TCF12: variants seen among roughly 807,000 people sequenced by gnomAD.
TCF12 encodes the protein transcription factor 12.
Under a neutral mutation model 86.0 loss-of-function variants are expected in TCF12, and 45 were observed. The observed-to-expected ratio is 0.52, with a 90% CI of 0.41 to 0.67. The LOEUF is 0.67. TCF12 is among the 30% of genes least tolerant of loss of function. The probability of loss-of-function intolerance (pLI) is 0.00; values close to 1 mark genes in which losing one functional copy is unlikely to be tolerated. For missense variants in TCF12, 881 were observed against 859.9 expected (o/e 1.02, Z -0.31); for synonymous variants, 330 against 299.6 (o/e 1.10, Z -1.05).
chr15:57,020,704 T>G (rs1006807373), intron 3 of TCF12, among the ~76,000 whole-genome samples: 1 of 152,170 alleles, frequency 6.6e-6, no homozygotes, highest in Non-Finnish European at 1.5e-5. Flanking sequence ...GTTTATTTTT[T>G]TATATGGGCA....
intron 3 of TCF12, among the ~76,000 whole-genome samples, chr15:56,957,933 A>C (rs1266688557): frequency 6.6e-6 from 1 of 152,172 alleles, no homozygotes; most frequent in Non-Finnish European, 1.5e-5. Flanking sequence ...ATTATTCTCC[A>C]CTACTGAGGA....
chr15:57,075,792 TTCTTTCTTTCTTTC>T lies in TCF12; in HGVS notation c.222+11973_222+11986del, dbSNP rs1303380741. Among the ~76,000 whole-genome samples, 10 of 35,150 alleles carry T rather than the reference TTCTTTCTTTCTTTC, an allele frequency of 2.8e-4. No individual in the cohort carries two copies. In the East Asian group the frequency reaches 6.5e-3, roughly 23 times the overall value. 23.1% of individuals were successfully genotyped at this position (35,150 alleles called of 152,430 possible). A position where few individuals can be genotyped will look rare whatever the true frequency, so the allele number is the denominator to read the frequency against. On this transcript the variant is annotated intron_variant, in intron 4 of 20. Transcript: ENST00000333725. ...TTTCTTTCTTTCTTTCTTTCTTTCTTTCTTTCTTTCTTTCTCTCTCTCTCTCTCTCTCTCTCTCT... is the reference window on the plus strand; with the variant it reads ...TTTCTTTCTTTCTTTCTTTCTTTCTTTCTCTCTCTCTCTCTCTCTCTCTCT...
At chr15:57,029,853 G>A (rs751143387) in intron 3 of TCF12, among the ~76,000 whole-genome samples, 29 of 152,248 alleles carry the variant, frequency 1.9e-4, no homozygotes, top group Non-Finnish European at 2.2e-4. Flanking sequence ...TTTGACACTG[G>A]CTTCTTTCAC....
intron 3 of TCF12, among the ~76,000 whole-genome samples, chr15:56,921,846 C>T (rs1307573603): frequency 6.6e-6 from 1 of 152,054 alleles, no homozygotes; most frequent in Admixed American, 6.5e-5. Flanking sequence ...TCATAACCAC[C>T]TAAACACTTT....
At chr15:57,046,134 C>T (rs2067217564) in intron 3 of TCF12, among the ~76,000 whole-genome samples, 1 of 152,168 alleles carries the variant, frequency 6.6e-6, no homozygotes, top group South Asian at 2.1e-4. Context: ...GCCTTACCAA[C>T]ATCATCTCAT....
intron 8 of TCF12, among the ~76,000 whole-genome samples, chr15:57,211,010 C>T (rs1244957951): frequency 1.3e-5 from 2 of 152,136 alleles, no homozygotes; most frequent in East Asian, 1.9e-4. Context: ...CTCTGTGTTG[C>T]GTGCTAAAAT....
chr15:56,962,007 C>T (rs2061779050), intron 3 of TCF12, among the ~76,000 whole-genome samples: 1 of 151,816 alleles, frequency 6.6e-6, no homozygotes, highest in East Asian at 1.9e-4. Flanking sequence ...TGGCGGGCGC[C>T]TGTAGTCCCA....
At chr15:56,920,599 A>G (rs1467913665) in intron 2 of TCF12, among the ~76,000 whole-genome samples, 3 of 151,884 alleles carry the variant, frequency 2.0e-5, no homozygotes, top group Non-Finnish European at 4.4e-5. Context: ...TAATTCCTTT[A>G]TTAACTGCTG....
At position 56,994,606 on chromosome 15, in the gene TCF12, A is replaced by T. The variant is rs369507264; in HGVS notation, c.149-69144A>T. ...ATGACATTGCTCCTTGGGGGGAGCA[A>T]TGATTCTAATGACTTCAGATTTTAC... On this transcript the variant is annotated intron_variant, in intron 3 of 20. Coordinates refer to ENST00000333725, the MANE Select transcript of TCF12 (RefSeq NM_207037.2). Among the ~76,000 whole-genome samples the T allele has an allele frequency of 6.6e-5, 10 of 152,242 alleles. No individual in the cohort carries two copies. The East Asian group carries it at 1.5e-3, about 23-fold the overall frequency.
At chr15:57,146,677 T>C (rs2053385732) in intron 5 of TCF12, among the ~76,000 whole-genome samples, 2 of 152,236 alleles carry the variant, frequency 1.3e-5, no homozygotes, top group African/African-American at 4.8e-5. Context: ...CTGTCTTCTT[T>C]GTAGTTAATC....
At chr15:57,178,099 CAG>C (rs2056084182) in intron 6 of TCF12, among the ~76,000 whole-genome samples, 1 of 151,938 alleles carries the variant, frequency 6.6e-6, no homozygotes, top group African/African-American at 2.4e-5. Flanking sequence ...CATCTCAAAA[CAG>C]AAAAAAGAGG....
intron 8 of TCF12, among the ~76,000 whole-genome samples, chr15:57,220,677 G>A (rs1566935869): frequency 6.6e-6 from 1 of 151,684 alleles, no homozygotes; most frequent in Non-Finnish European, 1.5e-5. Context: ...AAATCTATAA[G>A]CCAGAGGATT....
intron 3 of TCF12, among the ~76,000 whole-genome samples, chr15:57,033,623 A>G (rs985278076): frequency 3.3e-5 from 5 of 152,120 alleles, no homozygotes; most frequent in African/African-American, 9.7e-5. Context: ...GAAATGTTCT[A>G]CTTGTGAGGT....
At chr15:57,226,970 C>T (rs1022409415) in intron 8 of TCF12, among the ~76,000 whole-genome samples, 1 of 152,092 alleles carries the variant, frequency 6.6e-6, no homozygotes, top group East Asian at 1.9e-4. Flanking sequence ...TCACAGAAAC[C>T]TATTGGACAA....
intron 3 of TCF12, among the ~76,000 whole-genome samples, chr15:56,935,930 T>A (rs1481722260): frequency 6.6e-6 from 1 of 152,224 alleles, no homozygotes; most frequent in African/African-American, 2.4e-5. Context: ...TCCATATTTT[T>A]GCAATTGTGA....
rs150710280 is a variant in TCF12, at chr15:57,231,726, T to A, written c.685+469T>A. Among the ~76,000 whole-genome samples the A allele has an allele frequency of 5.3e-5, 8 of 152,318 alleles. No homozygotes were observed. The East Asian group carries it at 1.5e-3, about 29-fold the overall frequency. ...ATCATTTTTATTTGGTCTCCTGTGGTTTTGGACTATGGGAAACAAATATAT... is the reference window on the plus strand; with the variant it reads ...ATCATTTTTATTTGGTCTCCTGTGGATTTGGACTATGGGAAACAAATATAT... On this transcript the variant is annotated intron_variant, in intron 9 of 20. Coordinates refer to ENST00000333725, the MANE Select transcript of TCF12 (RefSeq NM_207037.2).
At chr15:56,978,985 T>C (rs2062753497) in intron 3 of TCF12, among the ~76,000 whole-genome samples, 1 of 152,248 alleles carries the variant, frequency 6.6e-6, no homozygotes, top group South Asian at 2.1e-4. Context: ...GGCTACCTCA[T>C]TGGACAGCAC....
rs370129470 is a variant in TCF12, at chr15:56,922,074, A to G, written c.148+976A>G. On this transcript the variant is annotated intron_variant, in intron 3 of 20. Coordinates refer to ENST00000333725, the MANE Select transcript of TCF12 (RefSeq NM_207037.2). ...ATCATGAAACGATAGGCAAGTCCCA[A>G]CTCTTCTCTCACCTCCTTCCTTTTA... Among the ~76,000 whole-genome samples, 6 of 151,928 alleles carry G rather than the reference A, an allele frequency of 3.9e-5. No individual in the cohort carries two copies. In the East Asian group the frequency reaches 5.8e-4, roughly 15 times the overall value.
At chr15:57,183,491 T>C (rs1955711235) in intron 6 of TCF12, among the ~76,000 whole-genome samples, 1 of 152,160 alleles carries the variant, frequency 6.6e-6, no homozygotes, top group Non-Finnish European at 1.5e-5. Context: ...CTTGCGTATT[T>C]CCAACATCCT....
Sources: gnomAD v4.1 joint callset for allele counts (sites outside exome capture counted in the v4.1 genomes callset) on GRCh38, gnomAD v4.1.1 for gene constraint, MANE v1.5 for transcripts, NCBI Gene and HGNC (gene_info 2026-07-23, HGNC 2026-07-21) for gene names.